The following ABCA12 variants were observed in gnomAD, a reference collection of about 807,000 sequenced individuals.
The protein encoded by ABCA12 is glucosylceramide transporter ABCA12.
In ABCA12, 156 loss-of-function variants were observed where a neutral mutation model predicts 293.5. The ratio of observed to expected loss-of-function variants is 0.53; its 90% CI spans 0.47 to 0.61. ABCA12 has a LOEUF of 0.61. ABCA12 is among the 20% of genes least tolerant of loss of function. The pLI is 0.00. For missense variants in ABCA12, 2,797 were observed against 3,090.2 expected (o/e 0.91, Z 2.25); for synonymous variants, 1,063 against 1,108.0 (o/e 0.96, Z 0.81).
intron 2 of ABCA12, among the ~76,000 whole-genome samples, chr2:215,105,765 C>T (rs1702452644): frequency 6.6e-6 from 1 of 151,856 alleles, no homozygotes; most frequent in South Asian, 2.1e-4. Flanking sequence ...TGCATGCCAG[C>T]GGTTATGGGA....
chr2:214,962,189 A>G (rs1359382634), intron 39 of ABCA12: 1 of 152,166 alleles, frequency 6.6e-6, no homozygotes, highest in African/African-American at 2.4e-5. Context: ...ATATTTTTTA[A>G]AAGTCTGTTT....
intron 37 of ABCA12, 61 bp from the exon 38 acceptor site, chr2:214,968,868 T>C: frequency 1.4e-6 from 2 of 1,471,794 alleles, no homozygotes; most frequent in South Asian, 1.1e-5. Context: ...TAAATAGATC[T>C]AAAATACTTA....
chr2:215,023,866 T>C (rs1368687002), intron 11 of ABCA12, among the ~76,000 whole-genome samples: 3 of 152,222 alleles, frequency 2.0e-5, no homozygotes, highest in African/African-American at 7.2e-5. Flanking sequence ...TAGAGATGTC[T>C]CTTTCTAAAA....
At chr2:215,109,831 T>C (rs957727383) in intron 2 of ABCA12, among the ~76,000 whole-genome samples, 1 of 152,230 alleles carries the variant, frequency 6.6e-6, no homozygotes, top group Non-Finnish European at 1.5e-5. Flanking sequence ...AGGAACTTTA[T>C]GTAACTGAAA....
intron 8 of ABCA12, chr2:215,032,172 A>T (rs1012283849): frequency 2.5e-6 from 3 of 1,194,068 alleles, no homozygotes; most frequent in Non-Finnish European, 3.3e-6. Context: ...CCACTACATT[A>T]TTTTATCCCA....
chr2:214,974,465 A>G (rs1339054804), intron 35 of ABCA12, among the ~76,000 whole-genome samples: 1 of 152,194 alleles, frequency 6.6e-6, no homozygotes, highest in Non-Finnish European at 1.5e-5. Context: ...TCAGCTAGAT[A>G]AGTATCTTGG....
At chr2:215,016,721 A>G (rs1357180136) in intron 14 of ABCA12, among the ~76,000 whole-genome samples, 1 of 151,576 alleles carries the variant, frequency 6.6e-6, no homozygotes, top group Non-Finnish European at 1.5e-5. Flanking sequence ...GGGTCCAGAG[A>G]TGTAAAGCAA....
At chr2:215,091,969 T>A (rs116468694) in intron 2 of ABCA12, among the ~76,000 whole-genome samples, 7,778 of 152,214 alleles carry the variant, frequency 0.051, 626 homozygotes, top group African/African-American at 0.17. Flanking sequence ...CAGACTGTCC[T>A]ACTCACCTGG....
intron 1 of ABCA12, among the ~76,000 whole-genome samples, chr2:215,124,453 C>T (rs1303634421): frequency 1.3e-5 from 2 of 152,156 alleles, no homozygotes; most frequent in Non-Finnish European, 2.9e-5. Flanking sequence ...TCCCTGTTCA[C>T]CTCATCCATG....
At position 215,045,916 on chromosome 2, in the gene ABCA12, G is replaced by A. The variant is rs1307813743; in HGVS notation, c.793C>T (p.Leu265Phe). 6.2e-7 allele frequency: 1 copy of A among 1,613,656 alleles called. No homozygotes were observed. Among genetic ancestry groups the A allele is most frequent in the South Asian group, 1.1e-5 (1 of 91,062 alleles). ...QVQEQKAVWQ[L>F]LSSFPNVFQN... ...AACACATTTGGAAAACTAGACAGAA[G>A]CTGCCACACAGCTTTCTGCTCTTGC... is the stretch of plus-strand genomic sequence containing the variant. The change falls in exon 7 of 53, where the codon CTT (leucine) becomes TTT (phenylalanine). Residue 265 changes from leucine to phenylalanine, a missense_variant. Physicochemically the swap from Leu to Phe is conservative, Grantham distance 22. This residue lies in a region of ABCA12 where 656 missense variants were observed against 638.2 expected (regional missense o/e 1.03). Coordinates refer to ENST00000272895, the MANE Select transcript of ABCA12 (RefSeq NM_173076.3).
Position 215,138,323 on chromosome 2 carries a change from T to C in ABCA12, c.-115A>G. ...GTGTATCAGTACCCCTTTCACGGCATAGCTTCCTTGAGGGCTGGGGTAAGA... is the reference window on the plus strand; with the variant it reads ...GTGTATCAGTACCCCTTTCACGGCACAGCTTCCTTGAGGGCTGGGGTAAGA... On this transcript the variant is annotated 5_prime_UTR_variant, in exon 1 of 53. An upstream start codon of the reference 5' UTR is lost. Coordinates refer to ENST00000272895, the MANE Select transcript of ABCA12 (RefSeq NM_173076.3). The C allele has an allele frequency of 9.0e-7, 1 of 1,108,544 alleles. No homozygotes were observed. The highest frequency in any genetic ancestry group is 1.4e-6 in the Non-Finnish European group (1 of 722,880). The allele number at this position is 1,108,544 out of a possible 1,614,324, so 68.7% of individuals were successfully genotyped here. A position where few individuals can be genotyped will look rare whatever the true frequency, so the allele number is the denominator to read the frequency against.
intron 14 of ABCA12, 70 bp downstream of exon 14, chr2:215,017,938 G>A (rs1349310596): frequency 1.2e-5 from 19 of 1,602,422 alleles, no homozygotes; most frequent in Non-Finnish European, 1.4e-5. Context: ...ACTGGTAAGC[G>A]CTCAACAAAT....
intron 11 of ABCA12, 49 bp downstream of exon 11, chr2:215,025,624 T>C (rs757051170): frequency 8.7e-7 from 1 of 1,143,334 alleles, no homozygotes; most frequent in South Asian, 1.4e-5. Context: ...TGTTTTGTCT[T>C]TTTGTTTTTT....
chr2:214,981,224 T>C (rs1002692287), intron 30 of ABCA12, among the ~76,000 whole-genome samples: 2 of 152,236 alleles, frequency 1.3e-5, no homozygotes, highest in Admixed American at 6.5e-5. Flanking sequence ...TGTTCACCAT[T>C]TGTCATGTGG....
chr2:215,049,174 T>C (rs546894888), intron 6 of ABCA12, among the ~76,000 whole-genome samples: 43 of 152,248 alleles, frequency 2.8e-4, no homozygotes, highest in Non-Finnish European at 4.7e-4. Flanking sequence ...TTTTGAAAAT[T>C]CACAATTAAA....
At chr2:214,997,931 G>T in intron 22 of ABCA12, 122 bp from the exon 23 acceptor site, 1 of 690,090 alleles carries the variant, frequency 1.4e-6, no homozygotes, top group Non-Finnish European at 2.6e-6. Context: ...TTTTGAAATT[G>T]AAAATAATCG....
At chr2:214,960,179 T>A (rs1699074387) in intron 39 of ABCA12, among the ~76,000 whole-genome samples, 4 of 152,130 alleles carry the variant, frequency 2.6e-5, no homozygotes, top group African/African-American at 9.7e-5. Context: ...AAAAAATATA[T>A]GGTTAAAGCA....
intron 7 of ABCA12, among the ~76,000 whole-genome samples, chr2:215,043,455 G>A (rs1334103160): frequency 2.0e-5 from 3 of 148,424 alleles, no homozygotes; most frequent in East Asian, 3.8e-4. Context: ...TGGATCAGAG[G>A]TTGTTGTTAA....
chr2:214,975,833 T>A lies in ABCA12; in HGVS notation c.5333A>T (p.Gln1778Leu). 6.2e-7 allele frequency: 1 copy of A among 1,614,128 alleles called. No homozygotes were observed. The highest frequency in any genetic ancestry group is 1.1e-5 in the South Asian group (1 of 91,084). Residue 1778 changes from glutamine to leucine, a missense_variant, in exon 34 of 53, where the codon CAG (glutamine) becomes CTG (leucine). Transcript: ENST00000272895. ...RNSSNSYPEI[Q>L]ISPSLYGTSE... ...GGTACCATAAAGAGAGGGGGAGATC[T>A]GAATCTCTGGATAACTGTTGCTGGA...
Sources: gnomAD v4.1 joint callset for allele counts (sites outside exome capture counted in the v4.1 genomes callset) on GRCh38, gnomAD v4.1.1 for gene constraint, gnomAD v4.1.1 regional missense constraint, MANE v1.5 for transcripts, NCBI Gene and HGNC (gene_info 2026-07-23, HGNC 2026-07-21) for gene names.